RORA: variants seen among roughly 807,000 people sequenced by gnomAD.
RORA encodes the protein RAR related orphan receptor A, also known as nuclear receptor ROR-alpha.
RORA carries 7 observed loss-of-function variants against 69.5 expected under a neutral mutation model. That is an observed-to-expected ratio of 0.10 (90% CI 0.06 to 0.19). RORA has a LOEUF of 0.19. Among genes scored for constraint, RORA ranks in the 10% least tolerant of loss-of-function variants. The pLI, the probability that RORA is intolerant of heterozygous loss-of-function variation, is 1.00. For missense variants in RORA, 457 were observed against 663.0 expected, an observed-to-expected ratio of 0.69 and a Z score of 3.41; for synonymous variants, 261 against 240.8, an observed-to-expected ratio of 1.08 and a Z score of -0.78.
At chr15:60,856,496 T>TC (rs1193706072) in intron 1 of RORA, among the ~76,000 whole-genome samples, 1 of 151,802 alleles carries the variant, frequency 6.6e-6, no homozygotes, top group African/African-American at 2.4e-5. Flanking sequence ...TGACCTTTTT[T>TC]TTTTTTTCTT....
chr15:60,631,789 G>A (rs1281038512), intron 2 of RORA, among the ~76,000 whole-genome samples: 2 of 152,192 alleles, frequency 1.3e-5, no homozygotes, highest in Non-Finnish European at 2.9e-5. Flanking sequence ...TTCAGATCCT[G>A]GAGCTTCAGT....
chr15:60,682,823 C>T (rs924116958), intron 1 of RORA, among the ~76,000 whole-genome samples: 5 of 152,160 alleles, frequency 3.3e-5, no homozygotes, highest in East Asian at 1.9e-4. Flanking sequence ...AAACAGACCA[C>T]GAGCAGGGTA....
chr15:61,124,792 A>C (rs1206381470), intron 1 of RORA, among the ~76,000 whole-genome samples: 2 of 152,194 alleles, frequency 1.3e-5, no homozygotes, highest in East Asian at 3.8e-4. Flanking sequence ...TCTGAGCCTC[A>C]GTTTCTCCAT....
At chr15:60,965,967 C>A (rs1373404240) in intron 1 of RORA, among the ~76,000 whole-genome samples, 1 of 152,098 alleles carries the variant, frequency 6.6e-6, no homozygotes, top group African/African-American at 2.4e-5. Flanking sequence ...ACCAAGTAAC[C>A]ATAACAAAGT....
chr15:61,218,005 C>T (rs919851526), intron 1 of RORA, among the ~76,000 whole-genome samples: 16 of 152,242 alleles, frequency 1.1e-4, no homozygotes, highest in African/African-American at 3.9e-4. Flanking sequence ...GCCATGGTCC[C>T]CCAGAAAGGC....
intron 2 of RORA, among the ~76,000 whole-genome samples, chr15:60,625,851 C>T (rs76368624): frequency 0.023 from 3,550 of 152,334 alleles, 125 homozygotes; most frequent in African/African-American, 0.08. Flanking sequence ...TACATCCTTT[C>T]GTACCTTTTG....
chr15:60,855,778 G>A (rs1053415673), intron 1 of RORA, among the ~76,000 whole-genome samples: 5 of 151,852 alleles, frequency 3.3e-5, no homozygotes, highest in African/African-American at 9.7e-5. Flanking sequence ...CACCACTCCC[G>A]GCTAATTTTT....
intron 1 of RORA, among the ~76,000 whole-genome samples, chr15:60,776,133 C>T (rs1244616501): frequency 6.6e-6 from 1 of 152,064 alleles, no homozygotes; most frequent in Non-Finnish European, 1.5e-5. Flanking sequence ...TAGACAGCAC[C>T]CACGATATTG....
intron 1 of RORA, among the ~76,000 whole-genome samples, chr15:60,767,980 A>C (rs1345308437): frequency 6.6e-6 from 1 of 152,166 alleles, no homozygotes; most frequent in Non-Finnish European, 1.5e-5. Context: ...CAGATGCCTG[A>C]TATGCAGGAA....
At chr15:61,059,402 T>C (rs542247454) in intron 1 of RORA, among the ~76,000 whole-genome samples, 17 of 152,242 alleles carry the variant, frequency 1.1e-4, no homozygotes, top group Admixed American at 2.6e-4. Flanking sequence ...TATTCAACTG[T>C]AGATAATATT....
chr15:60,947,688 T>A (rs866118865), intron 1 of RORA, among the ~76,000 whole-genome samples: 266 of 102,888 alleles, frequency 2.6e-3, no homozygotes, highest in Middle Eastern at 6.0e-3. Flanking sequence ...GAATGATCAA[T>A]AAAAAAAAAA....
intron 1 of RORA, among the ~76,000 whole-genome samples, chr15:60,880,242 G>T (rs1595787525): frequency 6.6e-6 from 1 of 152,126 alleles, no homozygotes; most frequent in African/African-American, 2.4e-5. Context: ...CCTCACCCTG[G>T]CATTGGTTTG....
At chr15:60,581,073 TCAA>T (rs1460939601) in intron 2 of RORA, among the ~76,000 whole-genome samples, 1 of 152,216 alleles carries the variant, frequency 6.6e-6, no homozygotes, top group Admixed American at 6.5e-5. Context: ...CCAACCTTCT[TCAA>T]CAAGAGAAGC....
chr15:61,218,437 T>C (rs1354171777), intron 1 of RORA, among the ~76,000 whole-genome samples: 1 of 152,082 alleles, frequency 6.6e-6, no homozygotes, highest in East Asian at 1.9e-4. Flanking sequence ...CATACTAAGT[T>C]CAGAATCAGT....
chr15:60,670,201 C>CTTTTTTTT (rs60799050), intron 2 of RORA, among the ~76,000 whole-genome samples: 3 of 126,108 alleles, frequency 2.4e-5, no homozygotes, highest in Non-Finnish European at 1.6e-5. Flanking sequence ...TATCCTACCT[C>CTTTTTTTT]TTTTTTTTTT....
chr15:60,614,409 G>A (rs1167840265), intron 2 of RORA, among the ~76,000 whole-genome samples: 1 of 152,156 alleles, frequency 6.6e-6, no homozygotes, highest in Non-Finnish European at 1.5e-5. Flanking sequence ...AGGCAAATCA[G>A]TACAAATGCA....
intron 1 of RORA, among the ~76,000 whole-genome samples, chr15:60,682,915 T>C (rs1030051302): frequency 6.6e-6 from 1 of 152,202 alleles, no homozygotes; most frequent in Non-Finnish European, 1.5e-5. Context: ...AAAATACACA[T>C]ACACCCTGCG....
intron 1 of RORA, among the ~76,000 whole-genome samples, chr15:61,132,829 C>T (rs1242897142): frequency 1.3e-5 from 2 of 152,122 alleles, no homozygotes; most frequent in Non-Finnish European, 2.9e-5. Context: ...TTGCTTGGTA[C>T]ATTTATATGA....
chr15:60,921,542 G>A (rs1892048937), intron 1 of RORA, among the ~76,000 whole-genome samples: 1 of 152,206 alleles, frequency 6.6e-6, no homozygotes, highest in African/African-American at 2.4e-5. Context: ...GACTGGCAAG[G>A]TCATGAGGTG....
Sources: gnomAD v4.1 joint callset for allele counts (sites outside exome capture counted in the v4.1 genomes callset) on GRCh38, gnomAD v4.1.1 for gene constraint, MANE v1.5 for transcripts, NCBI Gene and HGNC (gene_info 2026-07-23, HGNC 2026-07-21) for gene names.